Variants in CCDC126 observed in about 807,000 individuals in gnomAD.
CCDC126 encodes coiled-coil domain-containing protein 126.
A neutral mutation model predicts 11.7 loss-of-function variants in CCDC126; 5 were observed. The observed-to-expected ratio is 0.43, with a 90% CI of 0.22 to 0.90. CCDC126 has a LOEUF of 0.90. Ranked by LOEUF, CCDC126 falls within the 40% of genes least tolerant of loss-of-function variation. CCDC126 has a pLI of 0.27. For missense variants in CCDC126, 150 were observed against 163.1 expected, an observed-to-expected ratio of 0.92 and a Z score of 0.44; for synonymous variants, 60 against 61.9, an observed-to-expected ratio of 0.97 and a Z score of 0.14.
At chr7:23,629,371 A>G (rs1237345444) in intron 3 of CCDC126, among the ~76,000 whole-genome samples, 1 of 152,204 alleles carries the variant, frequency 6.6e-6, no homozygotes, top group Non-Finnish European at 1.5e-5. Context: ...CTCAGCAGAT[A>G]CCAAATCTGC....
In CCDC126 at chr7:23,643,063, T is replaced by G. The variant is rs1170774673; in HGVS notation, c.371T>G (p.Leu124Trp). The G allele has an allele frequency of 6.2e-7, 1 of 1,614,194 alleles. No homozygotes were observed. The highest frequency in any genetic ancestry group is 1.7e-5 in the Admixed American group (1 of 60,032). ...ANTTNGTSGN[L>W]VPVTTNKRTN... ...ACCACCAATGGTACTAGTGGGAATT[T>G]GGTGCCAGTAACCACAAATAAAAGA... Residue 124 changes from leucine (L) to tryptophan (W), a missense_variant, in exon 4 of 4, where the codon TTG (leucine) becomes TGG (tryptophan). By Grantham distance (61) the Leu-to-Trp change is moderately conservative. Transcript: ENST00000307471.
At chr7:23,600,542 A>C (rs1206552497) in intron 2 of CCDC126, among the ~76,000 whole-genome samples, 1 of 152,036 alleles carries the variant, frequency 6.6e-6, no homozygotes, top group Non-Finnish European at 1.5e-5. Flanking sequence ...TGTGGTGAAC[A>C]TACTGTGTCT....
At chr7:23,621,073 G>A (rs1782886615) in intron 3 of CCDC126, among the ~76,000 whole-genome samples, 1 of 152,292 alleles carries the variant, frequency 6.6e-6, no homozygotes, top group South Asian at 2.1e-4. Context: ...CTCTTTTTTG[G>A]TTCCATATGA....
chr7:23,631,752 C>A (rs374209712), intron 3 of CCDC126, among the ~76,000 whole-genome samples: 2 of 151,342 alleles, frequency 1.3e-5, no homozygotes, highest in East Asian at 3.9e-4. Flanking sequence ...CAGAGGGAGA[C>A]CCTGTCTCAA....
chr7:23,608,406 G>T (rs1295489066), intron 2 of CCDC126, among the ~76,000 whole-genome samples: 1 of 152,210 alleles, frequency 6.6e-6, no homozygotes, highest in Non-Finnish European at 1.5e-5. Flanking sequence ...TGGGCTGCAT[G>T]GGACGGCTTT....
chr7:23,633,095 C>G (rs981780630), intron 3 of CCDC126, among the ~76,000 whole-genome samples: 1 of 152,004 alleles, frequency 6.6e-6, no homozygotes, highest in African/African-American at 2.4e-5. Context: ...TGAGTTCAAG[C>G]GATTTTCCTG....
At chr7:23,630,021 A>G (rs1254391120) in intron 3 of CCDC126, among the ~76,000 whole-genome samples, 1 of 152,260 alleles carries the variant, frequency 6.6e-6, no homozygotes, top group African/African-American at 2.4e-5. Context: ...TTTCATGCCA[A>G]GACAACATAA....
Position 23,597,472 on chromosome 7 carries a change from G to A in CCDC126, c.-364G>A, listed in dbSNP as rs1224894409. 1 of 152,274 alleles carries A rather than the reference G, an allele frequency of 6.6e-6. No individual in the cohort carries two copies. The highest frequency in any genetic ancestry group is 2.1e-4 in the South Asian group (1 of 4,830). 9.4% of individuals were successfully genotyped at this position (152,274 alleles called of 1,614,324 possible). ...CTCGTCCCAACTCCCACCCACCGGC[G>A]TTTCTCCAGCTCGATCTGGAGGCTG... On this transcript the variant is annotated 5_prime_UTR_variant, in exon 1 of 4. Transcript: ENST00000307471.
At chr7:23,616,591 G>A (rs967818784) in intron 3 of CCDC126, among the ~76,000 whole-genome samples, 1 of 152,174 alleles carries the variant, frequency 6.6e-6, no homozygotes, top group Non-Finnish European at 1.5e-5. Flanking sequence ...AATTTTCCTT[G>A]AGATTTTAAA....
intron 3 of CCDC126, among the ~76,000 whole-genome samples, chr7:23,623,461 C>T (rs1010618132): frequency 3.3e-5 from 5 of 151,850 alleles, no homozygotes; most frequent in African/African-American, 7.3e-5. Context: ...CCAGGTGTGG[C>T]GTTGCTTGCC....
At chr7:23,639,312 C>T (rs1325743272) in intron 3 of CCDC126, among the ~76,000 whole-genome samples, 1 of 151,924 alleles carries the variant, frequency 6.6e-6, no homozygotes, top group Non-Finnish European at 1.5e-5. Context: ...CTGCTTCAGC[C>T]TCCCGAGTAG....
chr7:23,618,359 C>A (rs929452002), intron 3 of CCDC126, among the ~76,000 whole-genome samples: 9 of 152,258 alleles, frequency 5.9e-5, no homozygotes, highest in African/African-American at 1.4e-4. Flanking sequence ...CCCAACCCCC[C>A]ATTCTGGGTC....
intron 2 of CCDC126, among the ~76,000 whole-genome samples, chr7:23,603,875 T>G (rs1049633516): frequency 6.6e-6 from 1 of 152,198 alleles, no homozygotes; most frequent in Non-Finnish European, 1.5e-5. Flanking sequence ...TAAGGCTTGT[T>G]GTTCTTGCCC....
At chr7:23,631,359 C>A (rs185813618) in intron 3 of CCDC126, among the ~76,000 whole-genome samples, 288 of 152,300 alleles carry the variant, frequency 1.9e-3, no homozygotes, top group Middle Eastern at 0.01. Flanking sequence ...GAACAGTGAA[C>A]AGCTCTAAGA....
chr7:23,623,574 T>C (rs1209757940), intron 3 of CCDC126, among the ~76,000 whole-genome samples: 2 of 143,474 alleles, frequency 1.4e-5, no homozygotes, highest in African/African-American at 5.2e-5. Flanking sequence ...CCAGCCTAGG[T>C]GACAGAGTGA....
intron 2 of CCDC126, among the ~76,000 whole-genome samples, chr7:23,606,482 G>GA (rs1359279463): frequency 6.6e-6 from 1 of 152,140 alleles, no homozygotes; most frequent in African/African-American, 2.4e-5. Context: ...TGAGAAGAAT[G>GA]GATTGAAGTA....
Position 23,642,946 on chromosome 7 carries a change from C to G in CCDC126, c.254C>G (p.Thr85Arg). 6.2e-7 allele frequency: 1 copy of G among 1,613,758 alleles called. No homozygotes were observed. Among genetic ancestry groups the G allele is most frequent in the Non-Finnish European group, 8.5e-7 (1 of 1,179,752 alleles). Residue 85 changes from threonine to arginine, a missense_variant, in exon 4 of 4, where the codon ACA becomes AGA. By Grantham distance (71) the Thr-to-Arg change is moderately conservative. Coordinates refer to ENST00000307471, the MANE Select transcript of CCDC126 (RefSeq NM_138771.4). The part of the protein sequence containing the change: ...SMAGYADLKR[T>R]IAVLLDDILQ... ...ATTCCCCTAGCGGATCTGAAAAGAA[C>G]AATTGCTGTCCTTCTGGATGACATT...
intron 3 of CCDC126, among the ~76,000 whole-genome samples, chr7:23,615,261 A>G (rs931013123): frequency 1.3e-5 from 2 of 152,174 alleles, no homozygotes; most frequent in Admixed American, 1.3e-4. Flanking sequence ...CTTAAACCTC[A>G]AAAGCAACCT....
rs761230807 is a variant in CCDC126 at position 23,618,846 on chromosome 7, C to T, written c.238+7293C>T. The stretch of plus-strand genomic sequence containing the variant: ...CTGGGATTACAGGGGTGAGCCACCG[C>T]GCTTGGCCTAAATTTTTTATTACAC... On this transcript the variant is annotated intron_variant, in intron 3 of 3. Coordinates refer to ENST00000307471, the MANE Select transcript of CCDC126 (RefSeq NM_138771.4). Among the ~76,000 whole-genome samples, 8 of 152,004 alleles carry T rather than the reference C, an allele frequency of 5.3e-5. No homozygotes were observed. The East Asian group carries it at 5.8e-4, about 11-fold the overall frequency.
Sources: allele counts gnomAD v4.1 joint callset (sites outside exome capture counted in the v4.1 genomes callset), GRCh38; gene constraint gnomAD v4.1.1; transcripts MANE v1.5; gene names NCBI Gene and HGNC (gene_info 2026-07-23, HGNC 2026-07-21).